The following KCTD5 variants were observed in gnomAD, a reference collection of about 807,000 sequenced individuals.
The protein encoded by KCTD5 is BTB/POZ domain-containing protein KCTD5.
KCTD5 carries 12 observed loss-of-function variants against 27.9 expected under a neutral mutation model. The ratio of observed to expected loss-of-function variants is 0.43; its 90% CI spans 0.28 to 0.70. The LOEUF (loss-of-function observed/expected upper bound fraction) is 0.70. KCTD5 is among the 30% of genes least tolerant of loss of function. KCTD5 has a pLI of 0.19. For missense variants in KCTD5, 226 were observed against 274.8 expected, an observed-to-expected ratio of 0.82 and a Z score of 1.26; for synonymous variants, 147 against 121.4, an observed-to-expected ratio of 1.21 and a Z score of -1.39.
At chr16:2,697,050 A>C (rs1365052894) in intron 2 of KCTD5, 1 of 152,336 alleles carries the variant, frequency 6.6e-6, no homozygotes, top group African/African-American at 2.4e-5. Context: ...TCCCGCCCCG[A>C]TGCAGCCACT....
rs1325515025 is a variant in KCTD5 at position 2,702,379 on chromosome 16, C to T, written c.576C>T (p.Asn192=). 6.2e-7 allele frequency: 1 copy of T among 1,613,550 alleles called. No individual in the cohort carries two copies. The highest frequency in any genetic ancestry group is 8.5e-7 in the Non-Finnish European group (1 of 1,179,972). ...EQLVSIGSSY[N]YGNEDQAEFL... ...TGGTCAGCATCGGCTCCTCTTACAA[C>T]TATGGGAACGAAGACCAAGCCGAGT... Residue 192 remains asparagine (N), a synonymous_variant, in exon 5 of 6, where the codon AAC becomes AAT. Transcript: ENST00000301738.
At chr16:2,701,830 G>C (rs2142058509) in intron 4 of KCTD5, among the ~76,000 whole-genome samples, 1 of 152,366 alleles carries the variant, frequency 6.6e-6, no homozygotes, top group South Asian at 2.1e-4. Flanking sequence ...CCCTGGACCT[G>C]CATTGGCCTG....
intron 1 of KCTD5, among the ~76,000 whole-genome samples, chr16:2,688,224 A>C (rs28576266): frequency 1.3e-5 from 1 of 79,650 alleles, no homozygotes; most frequent in Non-Finnish European, 2.6e-5. Context: ...TAAATAAATA[A>C]ATAAATATAT....
At chr16:2,683,439 AG>A in intron 1 of KCTD5, 1 of 152,252 alleles carries the variant, frequency 6.6e-6, no homozygotes, top group East Asian at 1.9e-4. Context: ...AGGGATGTCC[AG>A]GAAGGGTCAG....
rs568971704 is a variant in KCTD5, at chr16:2,700,225, C to T, written c.549+309C>T. On this transcript the variant is annotated intron_variant, in intron 4 of 5. Coordinates refer to ENST00000301738, the MANE Select transcript of KCTD5 (RefSeq NM_018992.4). ...TCTGTGTGAGGGAGGGGACTGGCGTCCCCAGAGCCTCCTGGCCAGCCCACT... is the reference window on the plus strand; with the variant it reads ...TCTGTGTGAGGGAGGGGACTGGCGTTCCCAGAGCCTCCTGGCCAGCCCACT... Among the ~76,000 whole-genome samples, 10 of 152,288 alleles carry T rather than the reference C, an allele frequency of 6.6e-5. No individual in the cohort carries two copies. In the East Asian group the frequency reaches 1.7e-3, roughly 26 times the overall value.
Position 2,687,875 on chromosome 16 carries a change from C to G in KCTD5, c.252+5075C>G, listed in dbSNP as rs1047102749. ...CAAGCCATCTCTCTCCCAGGACATG[C>G]TTGTTCTCCCTGGGCGTCAACTCGG... On this transcript the variant is annotated intron_variant, in intron 1 of 5. Transcript: ENST00000301738. Among the ~76,000 whole-genome samples the G allele has an allele frequency of 2.6e-5, 4 of 152,116 alleles. No homozygotes were observed. The South Asian group carries it at 8.3e-4, about 31-fold the overall frequency.
chr16:2,704,717 G>C (rs541059907), intron 5 of KCTD5, among the ~76,000 whole-genome samples: 5 of 152,172 alleles, frequency 3.3e-5, no homozygotes, highest in Non-Finnish European at 7.4e-5. Flanking sequence ...TGCATCCACC[G>C]CCTGCCCCCG....
Position 2,695,415 on chromosome 16 carries a change from G to A in KCTD5, c.253-520G>A, listed in dbSNP as rs1480676537. Among the ~76,000 whole-genome samples, 3 of 126,720 alleles carry A rather than the reference G, an allele frequency of 2.4e-5. 1 individual carries two copies. The highest frequency in any genetic ancestry group is 8.0e-5 in the African/African-American group (3 of 37,348). The allele number at this position is 126,720 out of a possible 152,430, so 83.1% of individuals were successfully genotyped here. A position where few individuals can be genotyped will look rare whatever the true frequency, so the allele number is the denominator to read the frequency against. ...CCCGGCCTGTTGGGCAGCCGCCCCT[G>A]CTGAAAGGTGCCCTCTCCACCCCTG... On this transcript the variant is annotated intron_variant, in intron 1 of 5. Coordinates refer to ENST00000301738, the MANE Select transcript of KCTD5 (RefSeq NM_018992.4).
chr16:2,698,121 C>T, intron 3 of KCTD5, 124 bp downstream of exon 3: 1 of 659,770 alleles, frequency 1.5e-6, no homozygotes, highest in Non-Finnish European at 2.7e-6. Context: ...ACCCTGAGAC[C>T]CTTGTCCTCT....
At chr16:2,693,052 G>A (rs1013740007) in intron 1 of KCTD5, among the ~76,000 whole-genome samples, 8 of 152,228 alleles carry the variant, frequency 5.3e-5, no homozygotes, top group Non-Finnish European at 1.0e-4. Context: ...TCCTCCTCCC[G>A]AGGCCCGGGA....
intron 4 of KCTD5, among the ~76,000 whole-genome samples, chr16:2,700,617 C>T (rs732057): frequency 3.3e-5 from 5 of 151,954 alleles, no homozygotes; most frequent in Non-Finnish European, 7.4e-5. Context: ...GGACAGTGAC[C>T]TCACCCAGCC....
chr16:2,687,688 G>C (rs2067546184), intron 1 of KCTD5, among the ~76,000 whole-genome samples: 1 of 152,184 alleles, frequency 6.6e-6, no homozygotes, highest in Non-Finnish European at 1.5e-5. Flanking sequence ...TAACCACCAG[G>C]CATCCCAGGG....
chr16:2,706,402 G>C (rs1430142604), intron 5 of KCTD5, among the ~76,000 whole-genome samples: 17 of 152,186 alleles, frequency 1.1e-4, no homozygotes. Flanking sequence ...GTGACACATG[G>C]AGACAGCTGT....
chr16:2,682,880 G>A, intron 1 of KCTD5, 80 bp downstream of exon 1: 1 of 1,457,216 alleles, frequency 6.9e-7, no homozygotes, highest in Non-Finnish European at 9.0e-7. Flanking sequence ...TTCGTGCGGA[G>A]GAGACTTCAG....
intron 1 of KCTD5, among the ~76,000 whole-genome samples, chr16:2,695,520 G>C (rs2067583357): frequency 8.2e-6 from 1 of 121,628 alleles, no homozygotes; most frequent in African/African-American, 3.1e-5. Flanking sequence ...CGCAGGCCCA[G>C]GCTGGTGGCC....
At chr16:2,704,193 G>C (rs77661775) in intron 5 of KCTD5, among the ~76,000 whole-genome samples, 1 of 152,208 alleles carries the variant, frequency 6.6e-6, no homozygotes, top group Non-Finnish European at 1.5e-5. Flanking sequence ...CTTGATGGGG[G>C]TGGTGTCAGC....
At chr16:2,702,644 GAC>G (rs1182179528) in intron 5 of KCTD5, among the ~76,000 whole-genome samples, 166 bp downstream of exon 5, 2 of 152,176 alleles carry the variant, frequency 1.3e-5, no homozygotes, top group Non-Finnish European at 2.9e-5. Context: ...AGGTTCTCTC[GAC>G]ACAGGCTCCC....
chr16:2,702,026 G>GC (rs998591799), intron 4 of KCTD5, among the ~76,000 whole-genome samples: 7 of 152,126 alleles, frequency 4.6e-5, no homozygotes, highest in Non-Finnish European at 7.4e-5. Flanking sequence ...TCCTCCCGCT[G>GC]CCCCCCTCCC....
intron 5 of KCTD5, 133 bp from the exon 6 acceptor site, chr16:2,707,165 G>A: frequency 1.4e-6 from 1 of 738,702 alleles, no homozygotes; most frequent in Non-Finnish European, 2.3e-6. Flanking sequence ...CCAAGACCCT[G>A]GCCAGTGCCG....
Sources: allele counts gnomAD v4.1 joint callset (sites outside exome capture counted in the v4.1 genomes callset), GRCh38; gene constraint gnomAD v4.1.1; transcripts MANE v1.5; gene names NCBI Gene and HGNC (gene_info 2026-07-23, HGNC 2026-07-21).